Variants in CNKSR3 observed in about 807,000 individuals in gnomAD.
CNKSR3 encodes CNKSR family member 3.
A neutral mutation model predicts 67.7 loss-of-function variants in CNKSR3; 36 were observed. The observed-to-expected ratio is 0.53, with a 90% CI of 0.41 to 0.70. The LOEUF is 0.70. Ranked by LOEUF, CNKSR3 falls within the 30% of genes least tolerant of loss-of-function variation. CNKSR3 has a pLI of 0.00. For synonymous variants in CNKSR3, 281 were observed against 271.4 expected, an observed-to-expected ratio of 1.04 and a Z score of -0.35; for missense variants, 630 against 695.2, an observed-to-expected ratio of 0.91 and a Z score of 1.05.
rs536118119 is a variant in CNKSR3, at chr6:154,439,277, T to G, written c.507+2015A>C. 4.6e-5 allele frequency among the ~76,000 whole-genome samples: 7 copies of G among 152,364 alleles called. No individual in the cohort carries two copies. In the South Asian group the frequency reaches 1.4e-3, roughly 32 times the overall value. On this transcript the variant is annotated intron_variant, in intron 4 of 12. Coordinates refer to ENST00000607772, the MANE Select transcript of CNKSR3 (RefSeq NM_173515.4). The stretch of plus-strand genomic sequence containing the variant: ...AGGTCAGGGACTTTTTATCTGTTTA[T>G]TCACTCTGGTATCCCAGGGCAGCAG...
rs1260609642 is a variant in CNKSR3 at position 154,387,605 on chromosome 6, C to T, written c.*18749G>A. 1 of 152,092 alleles carries T rather than the reference C, an allele frequency of 6.6e-6. No individual in the cohort carries two copies. Among genetic ancestry groups the T allele is most frequent in the Non-Finnish European group, 1.5e-5 (1 of 68,038 alleles). 9.4% of individuals were successfully genotyped at this position (152,092 alleles called of 1,614,324 possible). A position where few individuals can be genotyped will look rare whatever the true frequency, so the allele number is the denominator to read the frequency against. The stretch of plus-strand genomic sequence containing the variant: ...CAGGAATGTTTATCTAGTTCATGGT[C>T]CATGATAACCACAGATTGCTGCATT... On this transcript the variant is annotated 3_prime_UTR_variant, in exon 13 of 13. Coordinates refer to ENST00000607772, the MANE Select transcript of CNKSR3 (RefSeq NM_173515.4).
At chr6:154,469,776 C>A (rs4546500) in intron 1 of CNKSR3, among the ~76,000 whole-genome samples, 32,283 of 151,988 alleles carry the variant, frequency 0.21, 3,981 homozygotes, top group East Asian at 0.41. Flanking sequence ...GGCATGCCAA[C>A]CCCCTCATAG....
chr6:154,498,049 C>T (rs1786912583), intron 1 of CNKSR3, among the ~76,000 whole-genome samples: 1 of 152,172 alleles, frequency 6.6e-6, no homozygotes. Context: ...AAGCCGAATT[C>T]CTGTTTTTAC....
At position 154,394,614 on chromosome 6, in the gene CNKSR3, T is replaced by TAAACAAAAAAA; in HGVS notation, c.*11739_*11740insTTTTTTTGTTT. On this transcript the variant is annotated 3_prime_UTR_variant, in exon 13 of 13. Transcript: ENST00000607772. ...TATAGCATGAGCCTAATACAAGAAG[T>TAAACAAAAAAA]AAAAAAAAAAAAAAAAAAAAAGAAG... The TAAACAAAAAAA allele has an allele frequency of 1.5e-5, 1 of 67,778 alleles. No individual in the cohort carries two copies. The highest frequency in any genetic ancestry group is 3.3e-5 in the Non-Finnish European group (1 of 30,076). 4.2% of individuals were successfully genotyped at this position (67,778 alleles called of 1,614,324 possible). A position where few individuals can be genotyped will look rare whatever the true frequency, so the allele number is the denominator to read the frequency against.
chr6:154,484,637 G>C (rs1195154004), intron 1 of CNKSR3, among the ~76,000 whole-genome samples: 1 of 149,820 alleles, frequency 6.7e-6, no homozygotes, highest in Non-Finnish European at 1.5e-5. Context: ...AGGAGGTGGA[G>C]GTTGCAGTGA....
In CNKSR3 at chr6:154,451,469, ACG is replaced by A. The variant is rs200653131; in HGVS notation, c.53-1213_53-1212del. Among the ~76,000 whole-genome samples the A allele has an allele frequency of 7.1e-3, 819 of 115,496 alleles. 10 individuals carry two copies. Among genetic ancestry groups the A allele is most frequent in the African/African-American group, 0.028 (774 of 28,026 alleles). 75.8% of individuals were successfully genotyped at this position (115,496 alleles called of 152,430 possible). ...GCATGCTGCTGCCCCTCCCCACCAAACGCGCACACACACACACGCACACACGC... is the reference window on the plus strand; with the variant it reads ...GCATGCTGCTGCCCCTCCCCACCAAACGCACACACACACACGCACACACGC... On this transcript the variant is annotated intron_variant, in intron 1 of 12. Transcript: ENST00000607772.
Position 154,399,686 on chromosome 6 carries a change from T to C in CNKSR3, c.*6668A>G, listed in dbSNP as rs1784696236. 1 of 152,114 alleles carries C rather than the reference T, an allele frequency of 6.6e-6. No individual in the cohort carries two copies. The highest frequency in any genetic ancestry group is 1.5e-5 in the Non-Finnish European group (1 of 68,026). 9.4% of individuals were successfully genotyped at this position (152,114 alleles called of 1,614,324 possible). ...GTTGGAGTGACAGGAAGTTTAGATA[T>C]GAGTAAGAAAACGGAACCTGACACT... On this transcript the variant is annotated 3_prime_UTR_variant, in exon 13 of 13. Transcript: ENST00000607772.
chr6:154,415,920 G>A (rs1204256517), intron 9 of CNKSR3, among the ~76,000 whole-genome samples: 1 of 152,134 alleles, frequency 6.6e-6, no homozygotes, highest in African/African-American at 2.4e-5. Flanking sequence ...AAATCTTGGA[G>A]TCAAGGCAGG....
chr6:154,435,149 C>A (rs1193164031), intron 4 of CNKSR3, among the ~76,000 whole-genome samples: 1 of 152,090 alleles, frequency 6.6e-6, no homozygotes, highest in Non-Finnish European at 1.5e-5. Flanking sequence ...GTGCACACCA[C>A]CACACCTGGC....
intron 1 of CNKSR3, among the ~76,000 whole-genome samples, chr6:154,466,685 T>C (rs1193829850): frequency 1.3e-5 from 2 of 152,034 alleles, no homozygotes; most frequent in Non-Finnish European, 2.9e-5. Context: ...AGTGGCGCAA[T>C]CATAGCTCAC....
At chr6:154,454,196 T>C (rs1785904219) in intron 1 of CNKSR3, among the ~76,000 whole-genome samples, 2 of 151,718 alleles carry the variant, frequency 1.3e-5, no homozygotes, top group African/African-American at 2.4e-5. Flanking sequence ...CCGGGTAACC[T>C]GGAGCAAGTT....
chr6:154,416,988 A>T (rs954342456), intron 9 of CNKSR3, among the ~76,000 whole-genome samples: 4 of 152,228 alleles, frequency 2.6e-5, no homozygotes, highest in Non-Finnish European at 5.9e-5. Flanking sequence ...TCTTAAGTGA[A>T]TTTCCAGAAG....
intron 1 of CNKSR3, among the ~76,000 whole-genome samples, chr6:154,493,943 A>G (rs551577074): frequency 1.2e-4 from 18 of 152,242 alleles, no homozygotes; most frequent in African/African-American, 3.9e-4. Context: ...CACAGAGCCA[A>G]ACCACATCAC....
intron 1 of CNKSR3, among the ~76,000 whole-genome samples, chr6:154,460,454 G>A (rs1352952476): frequency 6.6e-6 from 1 of 152,110 alleles, no homozygotes; most frequent in Non-Finnish European, 1.5e-5. Flanking sequence ...TGCAAAATGA[G>A]AGACTCTAAA....
intron 2 of CNKSR3, 67 bp from the exon 3 acceptor site, chr6:154,442,357 T>TC: frequency 7.4e-7 from 1 of 1,359,940 alleles, no homozygotes; most frequent in Non-Finnish European, 1.0e-6. Flanking sequence ...GCGCGGTGGC[T>TC]CACGCCTGTA....
At position 154,430,573 on chromosome 6, in the gene CNKSR3, T is replaced by G. The variant is rs201095742; in HGVS notation, c.568A>C (p.Ile190Leu). ...VLTVVKVLNGICDKTIRSTTD... is the reference protein window; with the variant it reads ...VLTVVKVLNGLCDKTIRSTTD... The stretch of plus-strand genomic sequence containing the variant: ...GTAGATCGGATTGTTTTGTCACAGA[T>G]GCCATTTAAAACCTTGACCTAGAAT... The change falls in exon 6 of 13, where the codon ATC (isoleucine) becomes CTC (leucine). Residue 190 changes from isoleucine (I) to leucine (L), a missense_variant. Coordinates refer to ENST00000607772, the MANE Select transcript of CNKSR3 (RefSeq NM_173515.4). 1.6e-5 allele frequency: 26 copies of G among 1,611,442 alleles called. No individual in the cohort carries two copies. In the East Asian group the frequency reaches 5.2e-4, roughly 32 times the overall value.
intron 7 of CNKSR3, among the ~76,000 whole-genome samples, 188 bp from the exon 8 acceptor site, chr6:154,423,171 T>C (rs992869792): frequency 6.6e-5 from 10 of 152,256 alleles, no homozygotes; most frequent in African/African-American, 2.4e-4. Context: ...TCCTGTGTTA[T>C]CTATCTTATT....
chr6:154,422,991 G>C lies in CNKSR3; in HGVS notation c.730-8C>G, dbSNP rs201541393. The C allele has an allele frequency of 8.1e-5, 129 of 1,584,300 alleles. No homozygotes were observed. Among genetic ancestry groups the C allele is most frequent in the Non-Finnish European group, 1.1e-4 (126 of 1,161,748 alleles). On this transcript the variant is annotated splice_region_variant and splice_polypyrimidine_tract_variant and intron_variant, in intron 7 of 12. Transcript: ENST00000607772. ...AGATCTGTCTGCAGGAGACTGTACA[G>C]AAACAAAATAACCTGCCTTAATTCT...
chr6:154,423,720 ATGT>A (rs1400071610), intron 7 of CNKSR3, among the ~76,000 whole-genome samples: 1 of 152,190 alleles, frequency 6.6e-6, no homozygotes, highest in Non-Finnish European at 1.5e-5. Flanking sequence ...TTAAAACTAA[ATGT>A]TGTTCTCATT....
Sources: gnomAD v4.1 joint callset for allele counts (sites outside exome capture counted in the v4.1 genomes callset) on GRCh38, gnomAD v4.1.1 for gene constraint, MANE v1.5 for transcripts, NCBI Gene and HGNC (gene_info 2026-07-23, HGNC 2026-07-21) for gene names.